YIPF1: variants seen among roughly 807,000 people sequenced by gnomAD.
YIPF1 encodes the protein protein YIPF1.
Under a neutral mutation model 37.0 loss-of-function variants are expected in YIPF1, and 22 were observed. The observed-to-expected ratio is 0.59, with a 90% CI of 0.42 to 0.85. The LOEUF is 0.85. Among genes scored for constraint, YIPF1 ranks in the 40% least tolerant of loss-of-function variants. YIPF1 has a pLI of 0.00. For missense variants in YIPF1, 355 were observed against 373.1 expected, an observed-to-expected ratio of 0.95 and a Z score of 0.40; for synonymous variants, 128 against 131.9, an observed-to-expected ratio of 0.97 and a Z score of 0.21.
At chr1:53,875,287 G>A (rs1271491073) in intron 6 of YIPF1, among the ~76,000 whole-genome samples, 2 of 152,174 alleles carry the variant, frequency 1.3e-5, no homozygotes, top group African/African-American at 4.8e-5. Context: ...GGGTAAGGCA[G>A]GAGGATTGCT....
Position 53,866,740 on chromosome 1 carries a change from C to T in YIPF1, c.648+18G>A. On this transcript the variant is annotated intron_variant, in intron 8 of 10. Transcript: ENST00000072644. The stretch of plus-strand genomic sequence containing the variant: ...ACAGAGCATCACTCAGAATCTACTC[C>T]CTAAGTATGGTACTTACTGCGGTGG... 6.2e-7 allele frequency: 1 copy of T among 1,604,416 alleles called. No homozygotes were observed. The highest frequency in any genetic ancestry group is 1.1e-5 in the South Asian group (1 of 89,054).
chr1:53,880,806 T>C (rs1378596820), intron 4 of YIPF1, among the ~76,000 whole-genome samples: 2 of 152,076 alleles, frequency 1.3e-5, no homozygotes, highest in Non-Finnish European at 2.9e-5. Flanking sequence ...AAACAAGCAA[T>C]GGGGAAAGGA....
At chr1:53,865,929 C>T (rs1271274162) in intron 9 of YIPF1, among the ~76,000 whole-genome samples, 1 of 152,016 alleles carries the variant, frequency 6.6e-6, no homozygotes, top group African/African-American at 2.4e-5. Context: ...ACTTGCGATG[C>T]TGAGGTGGGA....
At chr1:53,874,723 C>T (rs567201064) in intron 6 of YIPF1, among the ~76,000 whole-genome samples, 14 of 152,194 alleles carry the variant, frequency 9.2e-5, no homozygotes, top group Admixed American at 2.0e-4. Flanking sequence ...GCCGAGATTG[C>T]GCCTTTGCAC....
intron 6 of YIPF1, among the ~76,000 whole-genome samples, chr1:53,873,514 G>A (rs1160215060): frequency 2.0e-5 from 3 of 152,066 alleles, no homozygotes; most frequent in Non-Finnish European, 4.4e-5. Flanking sequence ...TATCTTGAGG[G>A]CAACAGGAAG....
intron 10 of YIPF1, among the ~76,000 whole-genome samples, chr1:53,859,469 G>T (rs1327850410): frequency 6.6e-6 from 1 of 152,134 alleles, no homozygotes; most frequent in Non-Finnish European, 1.5e-5. Context: ...TTCAAGACCA[G>T]CCTGGCCAGC....
intron 6 of YIPF1, among the ~76,000 whole-genome samples, chr1:53,875,484 T>C (rs1394431431): frequency 6.6e-6 from 1 of 152,168 alleles, no homozygotes; most frequent in African/African-American, 2.4e-5. Flanking sequence ...GCCACTGCAC[T>C]CCAGCCTGGG....
intron 6 of YIPF1, among the ~76,000 whole-genome samples, chr1:53,872,549 A>T (rs969689129): frequency 1.3e-5 from 2 of 152,232 alleles, no homozygotes; most frequent in African/African-American, 4.8e-5. Context: ...ATCTAGAAAA[A>T]GTACTATGTA....
chr1:53,878,654 C>A lies in YIPF1; in HGVS notation c.264G>T (p.Val88=). The change falls in exon 5 of 11, where the codon GTG becomes GTT. Residue 88 remains valine (V), a synonymous_variant. Coordinates refer to ENST00000072644, the MANE Select transcript of YIPF1 (RefSeq NM_018982.5). The part of the protein sequence containing the change: ...TFEYYQTFFD[V]DTYQVFDRIK... ...TTGGTTTCCAAACCTGGTAGGTGTC[C>A]ACATCAAAGAATGTTTGGTAGTATT... 1 of 1,603,830 alleles carries A rather than the reference C, an allele frequency of 6.2e-7. No individual in the cohort carries two copies. The highest frequency in any genetic ancestry group is 8.5e-7 in the Non-Finnish European group (1 of 1,178,036).
chr1:53,878,715 G>C lies in YIPF1; in HGVS notation c.203C>G (p.Ala68Gly), dbSNP rs1650402318. 6.3e-7 allele frequency: 1 copy of C among 1,588,882 alleles called. No individual in the cohort carries two copies. ...GAAGGGGGAGCTTTTCTTCTGTCCA[G>C]CAAGTAACTGTCAGAAATAAAATAA... ...NDDSDKTELL[A>G]GQKKSSPFWT... The change falls in exon 5 of 11, where the codon GCT becomes GGT. Residue 68 changes from alanine to glycine, a missense_variant. Transcript: ENST00000072644.
At chr1:53,875,751 T>A (rs1257170353) in intron 6 of YIPF1, among the ~76,000 whole-genome samples, 1 of 152,212 alleles carries the variant, frequency 6.6e-6, no homozygotes, top group African/African-American at 2.4e-5. Context: ...CACTTGCTGA[T>A]CCTTCTGTTT....
At chr1:53,889,036 T>C in intron 2 of YIPF1, 50 bp from the exon 3 acceptor site, 1 of 1,003,420 alleles carries the variant, frequency 1.0e-6, no homozygotes, top group Non-Finnish European at 1.5e-6. Flanking sequence ...ATAAAGTATC[T>C]GCAAACAACT....
chr1:53,885,211 T>C (rs968914162), intron 3 of YIPF1, among the ~76,000 whole-genome samples: 8 of 152,154 alleles, frequency 5.3e-5, no homozygotes, highest in African/African-American at 1.4e-4. Flanking sequence ...ATAACTATCA[T>C]TACAGGTACC....
chr1:53,888,455 G>A (rs1223572050), intron 3 of YIPF1, among the ~76,000 whole-genome samples: 1 of 152,166 alleles, frequency 6.6e-6, no homozygotes, highest in Admixed American at 6.5e-5. Context: ...ACAATTGCCC[G>A]GTTCCTGGTC....
intron 9 of YIPF1, among the ~76,000 whole-genome samples, chr1:53,860,637 T>C (rs1450507902): frequency 6.6e-6 from 1 of 152,246 alleles, no homozygotes; most frequent in African/African-American, 2.4e-5. Context: ...GCACAGTATG[T>C]AACCAATCAA....
intron 4 of YIPF1, among the ~76,000 whole-genome samples, chr1:53,880,535 T>A (rs1650462664): frequency 6.6e-6 from 1 of 152,218 alleles, no homozygotes; most frequent in Non-Finnish European, 1.5e-5. Context: ...ACCATTGACA[T>A]TCTTCACGGA....
intron 4 of YIPF1, among the ~76,000 whole-genome samples, chr1:53,879,506 T>A (rs1204294699): frequency 7.9e-6 from 1 of 126,186 alleles, no homozygotes; most frequent in Non-Finnish European, 1.7e-5. Context: ...ATATTACTAC[T>A]CTGACAAAAA....
chr1:53,876,841 G>A (rs541891480), intron 6 of YIPF1, among the ~76,000 whole-genome samples: 2 of 152,278 alleles, frequency 1.3e-5, no homozygotes, highest in South Asian at 2.1e-4. Flanking sequence ...CATTATATGT[G>A]TGTTTGCCAT....
intron 3 of YIPF1, among the ~76,000 whole-genome samples, chr1:53,887,924 G>C (rs1650697640): frequency 6.6e-6 from 1 of 152,156 alleles, no homozygotes; most frequent in South Asian, 2.1e-4. Context: ...GTTAGGTAAG[G>C]TGTTAATAAA....
Sources: allele counts gnomAD v4.1 joint callset (sites outside exome capture counted in the v4.1 genomes callset), GRCh38; gene constraint gnomAD v4.1.1; transcripts MANE v1.5; gene names NCBI Gene and HGNC (gene_info 2026-07-23, HGNC 2026-07-21).